Variants in RAB6A observed in about 807,000 individuals in gnomAD.
RAB6A encodes RAB6A, member RAS oncogene family, also known as ras-related protein Rab-6A.
In RAB6A, 8 loss-of-function variants were observed where a neutral mutation model predicts 32.3. The observed-to-expected ratio is 0.25, with a 90% CI of 0.15 to 0.45. RAB6A has a LOEUF of 0.45. RAB6A is among the 20% of genes least tolerant of loss of function. The pLI is 1.00. For synonymous variants in RAB6A, 73 were observed against 82.1 expected, an observed-to-expected ratio of 0.89 and a Z score of 0.60; for missense variants, 104 against 249.4, an observed-to-expected ratio of 0.42 and a Z score of 3.93.
At chr11:73,739,347 A>T (rs1946459350) in intron 1 of RAB6A, among the ~76,000 whole-genome samples, 2 of 137,530 alleles carry the variant, frequency 1.5e-5, no homozygotes, top group Non-Finnish European at 3.1e-5. Flanking sequence ...AAACTAAAAA[A>T]TTTTTTAAGA....
chr11:73,754,844 G>GAA (rs1946722108), intron 1 of RAB6A, among the ~76,000 whole-genome samples: 2 of 151,822 alleles, frequency 1.3e-5, no homozygotes. Context: ...CGCGAACCCG[G>GAA]GAGGCACTCA....
intron 2 of RAB6A, among the ~76,000 whole-genome samples, chr11:73,727,534 A>C (rs901293928): frequency 8.5e-5 from 13 of 152,132 alleles, no homozygotes; most frequent in Middle Eastern, 3.2e-3. Context: ...ATTCTGAAAA[A>C]TTTAATAATT....
chr11:73,693,291 A>ACAAT (rs1555055731), intron 6 of RAB6A, among the ~76,000 whole-genome samples: 33 of 150,918 alleles, frequency 2.2e-4, no homozygotes, highest in Non-Finnish European at 4.1e-4. Context: ...CCGTCTCCAA[A>ACAAT]AAATAAATAA....
In RAB6A at chr11:73,675,651, T is replaced by G. The variant is rs1308732529; in HGVS notation, c.*2247A>C. 3.3e-5 allele frequency: 5 copies of G among 152,926 alleles called. No homozygotes were observed. Among genetic ancestry groups the G allele is most frequent in the Non-Finnish European group, 7.4e-5 (5 of 68,026 alleles). The allele number at this position is 152,926 out of a possible 1,614,324, so 9.5% of individuals were successfully genotyped here. On this transcript the variant is annotated 3_prime_UTR_variant, in exon 8 of 8. Coordinates refer to ENST00000336083, the MANE Select transcript of RAB6A (RefSeq NM_198896.2). ...CCAGGTCAATAATTGTTTTCTTTCGTGTTTTATTTATATATTTTTGGCAGC... is the reference window on the plus strand; with the variant it reads ...CCAGGTCAATAATTGTTTTCTTTCGGGTTTTATTTATATATTTTTGGCAGC...
chr11:73,701,875 A>G (rs564345806), intron 6 of RAB6A, among the ~76,000 whole-genome samples: 4 of 152,288 alleles, frequency 2.6e-5, no homozygotes, highest in African/African-American at 9.6e-5. Context: ...GCTGGGCTCA[A>G]GAAATCAGCC....
intron 1 of RAB6A, among the ~76,000 whole-genome samples, chr11:73,748,401 C>T (rs1946624203): frequency 6.6e-6 from 1 of 152,146 alleles, no homozygotes; most frequent in Non-Finnish European, 1.5e-5. Flanking sequence ...TACAATACGA[C>T]GTGTGGAGTT....
chr11:73,734,448 G>GA (rs988448268), intron 1 of RAB6A, among the ~76,000 whole-genome samples: 61 of 150,896 alleles, frequency 4.0e-4, no homozygotes, highest in Middle Eastern at 3.4e-3. Context: ...TTAATAGTGA[G>GA]AAAAAAAAAT....
intron 1 of RAB6A, among the ~76,000 whole-genome samples, chr11:73,759,716 C>T (rs1458708703): frequency 6.6e-6 from 1 of 152,260 alleles, no homozygotes; most frequent in East Asian, 1.9e-4. Flanking sequence ...TCAGACGCTG[C>T]TTCATGTTGA....
At chr11:73,755,871 ACAAGAG>A (rs1275740190) in intron 1 of RAB6A, among the ~76,000 whole-genome samples, 5 of 43,610 alleles carry the variant, frequency 1.1e-4, no homozygotes, top group Non-Finnish European at 3.2e-4. Flanking sequence ...AGGAAGAAGA[ACAAGAG>A]GAGGAGGAGA....
chr11:73,734,538 GT>G (rs958478644), intron 1 of RAB6A, among the ~76,000 whole-genome samples: 2 of 152,224 alleles, frequency 1.3e-5, no homozygotes, highest in Non-Finnish European at 2.9e-5. Flanking sequence ...ATGGAAGACA[GT>G]TTTTCTGTGG....
At chr11:73,722,323 ATATATATATATATATATATATT>A (rs1413851025) in intron 2 of RAB6A, 212 of 7,858 alleles carry the variant, frequency 0.027, 12 homozygotes, top group African/African-American at 0.062. Flanking sequence ...ATATATATAT[ATATATATATATATATATATATT>A]TTTTTTTTTT....
At chr11:73,759,136 T>C (rs1946803864) in intron 1 of RAB6A, among the ~76,000 whole-genome samples, 1 of 152,234 alleles carries the variant, frequency 6.6e-6, no homozygotes, top group African/African-American at 2.4e-5. Context: ...ATCACTTACA[T>C]GCCTTCCAGT....
intron 1 of RAB6A, among the ~76,000 whole-genome samples, chr11:73,734,916 T>C (rs1946371481): frequency 6.6e-6 from 1 of 152,214 alleles, no homozygotes; most frequent in South Asian, 2.1e-4. Flanking sequence ...AAAATTTGCA[T>C]TATACTTGAG....
At chr11:73,721,097 G>T (rs12285464) in intron 2 of RAB6A, among the ~76,000 whole-genome samples, 198 bp from the exon 3 acceptor site, 1 of 152,168 alleles carries the variant, frequency 6.6e-6, no homozygotes, top group East Asian at 1.9e-4. Flanking sequence ...CTTCATATCA[G>T]AGATTGTTTT....
intron 5 of RAB6A, among the ~76,000 whole-genome samples, chr11:73,715,134 C>CT (rs929834615): frequency 7.1e-4 from 106 of 149,552 alleles, no homozygotes; most frequent in Admixed American, 1.6e-3. Context: ...ACTACCAATT[C>CT]TTTTTTTTTT....
intron 2 of RAB6A, among the ~76,000 whole-genome samples, chr11:73,721,615 T>C (rs145731711): frequency 4.5e-4 from 69 of 152,128 alleles, no homozygotes; most frequent in African/African-American, 1.5e-3. Context: ...CAGTATTAAT[T>C]AGGGGAGATA....
intron 5 of RAB6A, among the ~76,000 whole-genome samples, chr11:73,708,597 A>G (rs1945888885): frequency 1.3e-5 from 2 of 152,224 alleles, no homozygotes; most frequent in Admixed American, 1.3e-4. Flanking sequence ...AATTAGCACT[A>G]TGTCTCAAAT....
chr11:73,682,188 C>T (rs951220245), intron 6 of RAB6A, among the ~76,000 whole-genome samples: 2 of 152,062 alleles, frequency 1.3e-5, no homozygotes, highest in African/African-American at 4.8e-5. Flanking sequence ...CTGAGTGTGG[C>T]GACACGAGCT....
chr11:73,708,112 C>A (rs1945879357), intron 5 of RAB6A, among the ~76,000 whole-genome samples: 1 of 152,084 alleles, frequency 6.6e-6, no homozygotes, highest in Non-Finnish European at 1.5e-5. Flanking sequence ...AAATTGTTGC[C>A]CTAAATATCT....
Sources: gnomAD v4.1 joint callset for allele counts (sites outside exome capture counted in the v4.1 genomes callset) on GRCh38, gnomAD v4.1.1 for gene constraint, MANE v1.5 for transcripts, NCBI Gene and HGNC (gene_info 2026-07-23, HGNC 2026-07-21) for gene names.